Variants in RANBP17 observed in about 807,000 individuals in gnomAD.
The protein encoded by RANBP17 is RAN binding protein 17, also known as ran-binding protein 17.
RANBP17 carries 158 observed loss-of-function variants against 141.2 expected under a neutral mutation model. That is an observed-to-expected ratio of 1.12 (90% CI 0.98 to 1.28). RANBP17 has a LOEUF of 1.28. Among genes scored for constraint, RANBP17 ranks in the 50% most tolerant of loss-of-function variants. The pLI, the probability that RANBP17 is intolerant of heterozygous loss-of-function variation, is 0.00. For missense variants in RANBP17, 1,438 were observed against 1,290.7 expected, an observed-to-expected ratio of 1.11 and a Z score of -1.75; for synonymous variants, 430 against 450.0, an observed-to-expected ratio of 0.96 and a Z score of 0.56.
intron 5 of RANBP17, chr5:170,903,925 T>C (rs1770867328): frequency 3.8e-6 from 2 of 523,726 alleles, no homozygotes; most frequent in Non-Finnish European, 7.6e-6. Context: ...TTTCCTCAGC[T>C]TCATTATCTT....
chr5:171,158,313 T>C (rs1466530793), intron 14 of RANBP17: 1 of 181,892 alleles, frequency 5.5e-6, no homozygotes, highest in East Asian at 9.0e-5. Context: ...GCATACTTAT[T>C]GGAATTTTGT....
chr5:171,020,137 T>G (rs563140197), intron 14 of RANBP17, among the ~76,000 whole-genome samples: 22 of 151,842 alleles, frequency 1.4e-4, no homozygotes, highest in African/African-American at 5.3e-4. Context: ...CCTGAGAGAC[T>G]GTTATGATTT....
intron 14 of RANBP17, among the ~76,000 whole-genome samples, chr5:171,011,732 A>T (rs1342039917): frequency 6.6e-6 from 1 of 151,968 alleles, no homozygotes; most frequent in Non-Finnish European, 1.5e-5. Context: ...ATTCTCATAC[A>T]CAAACGCAAT....
intron 14 of RANBP17, among the ~76,000 whole-genome samples, chr5:171,104,407 CAGAA>C (rs988460343): frequency 3.9e-5 from 6 of 152,110 alleles, no homozygotes; most frequent in African/African-American, 7.2e-5. Context: ...TTCATTCACT[CAGAA>C]AGAGAACATA....
chr5:171,147,786 C>T (rs772449892), intron 14 of RANBP17, among the ~76,000 whole-genome samples: 34 of 152,312 alleles, frequency 2.2e-4, no homozygotes, highest in Middle Eastern at 3.4e-3. Context: ...GCCCCCCGCC[C>T]GGCCAGCCGC....
At chr5:171,226,919 G>A (rs1488883727) in intron 22 of RANBP17, among the ~76,000 whole-genome samples, 1 of 152,148 alleles carries the variant, frequency 6.6e-6, no homozygotes, top group Non-Finnish European at 1.5e-5. Flanking sequence ...ACCCTGCATG[G>A]AGCAAGTATA....
chr5:170,954,277 A>G (rs1775431745), intron 13 of RANBP17, among the ~76,000 whole-genome samples: 1 of 152,196 alleles, frequency 6.6e-6, no homozygotes, highest in Non-Finnish European at 1.5e-5. Context: ...GAAAATAAAA[A>G]TTATATACTA....
At chr5:171,298,248 C>T (rs1055379417) in intron 27 of RANBP17, among the ~76,000 whole-genome samples, 2 of 152,196 alleles carry the variant, frequency 1.3e-5, no homozygotes, top group African/African-American at 4.8e-5. Flanking sequence ...TCACCGGACT[C>T]ATAAGTGGTA....
intron 1 of RANBP17, among the ~76,000 whole-genome samples, chr5:170,866,677 C>CA (rs796168622): frequency 0.023 from 2,759 of 122,514 alleles, 36 homozygotes; most frequent in African/African-American, 0.052. Context: ...TCCATCTCAA[C>CA]AAAAAAAAAA....
intron 14 of RANBP17, among the ~76,000 whole-genome samples, chr5:171,101,079 G>C (rs1478636795): frequency 6.6e-6 from 1 of 152,180 alleles, no homozygotes; most frequent in African/African-American, 2.4e-5. Flanking sequence ...ATATTCTGTT[G>C]ATTTGGGGTG....
intron 13 of RANBP17, among the ~76,000 whole-genome samples, chr5:170,963,884 C>T (rs1237561793): frequency 6.6e-6 from 1 of 152,034 alleles, no homozygotes; most frequent in African/African-American, 2.4e-5. Context: ...GGTCAACCCT[C>T]TGATATATAA....
At chr5:170,911,190 A>G (rs1172060998) in intron 7 of RANBP17, 56 bp downstream of exon 7, 11 of 1,490,040 alleles carry the variant, frequency 7.4e-6, no homozygotes, top group Non-Finnish European at 9.3e-6. Flanking sequence ...GTATTAAGCA[A>G]TATAGTTTCT....
chr5:171,232,596 T>C (rs1162778273), intron 22 of RANBP17, among the ~76,000 whole-genome samples: 1 of 152,232 alleles, frequency 6.6e-6, no homozygotes, highest in Non-Finnish European at 1.5e-5. Context: ...ATTTTCCATT[T>C]TTCACTTGGT....
chr5:170,902,083 G>A (rs1349013652), intron 5 of RANBP17, among the ~76,000 whole-genome samples: 1 of 152,102 alleles, frequency 6.6e-6, no homozygotes, highest in Non-Finnish European at 1.5e-5. Flanking sequence ...GGCGGGTTGG[G>A]GAAGTTCTCC....
intron 14 of RANBP17, among the ~76,000 whole-genome samples, chr5:171,013,381 T>C (rs1780201263): frequency 6.6e-6 from 1 of 152,190 alleles, no homozygotes; most frequent in African/African-American, 2.4e-5. Context: ...TCTTTTTTTC[T>C]TGTTCATAAC....
chr5:171,043,998 A>G (rs546445048), intron 14 of RANBP17, among the ~76,000 whole-genome samples: 5 of 152,154 alleles, frequency 3.3e-5, no homozygotes, highest in Admixed American at 6.6e-5. Flanking sequence ...TAAAATCCTT[A>G]CATTTAAAAT....
intron 14 of RANBP17, among the ~76,000 whole-genome samples, chr5:171,089,256 C>A (rs1426698468): frequency 9.8e-6 from 1 of 102,396 alleles, no homozygotes. Context: ...GGGGGGCCTC[C>A]CAGTTAGGCT....
At chr5:171,052,661 T>A (rs1175802670) in intron 14 of RANBP17, among the ~76,000 whole-genome samples, 1 of 152,170 alleles carries the variant, frequency 6.6e-6, no homozygotes, top group Non-Finnish European at 1.5e-5. Flanking sequence ...AAGTATGAGA[T>A]CTCCAACTTT....
intron 14 of RANBP17, among the ~76,000 whole-genome samples, chr5:171,089,633 C>A (rs370987736): frequency 3.9e-5 from 6 of 152,160 alleles, no homozygotes; most frequent in African/African-American, 1.4e-4. Flanking sequence ...TAGGACCCTC[C>A]GAGCCAGGTG....
Sources: gnomAD v4.1 joint callset for allele counts (sites outside exome capture counted in the v4.1 genomes callset) on GRCh38, gnomAD v4.1.1 for gene constraint, MANE v1.5 for transcripts, NCBI Gene and HGNC (gene_info 2026-07-23, HGNC 2026-07-21) for gene names.